The following DPY19L1 variants were observed in gnomAD, a reference collection of about 807,000 sequenced individuals.
DPY19L1 encodes protein C-mannosyl-transferase DPY19L1.
A neutral mutation model predicts 96.9 loss-of-function variants in DPY19L1; 35 were observed. The observed-to-expected ratio is 0.36, with a 90% CI of 0.28 to 0.48. The LOEUF is 0.48. DPY19L1 is among the 20% of genes least tolerant of loss of function. The pLI is 0.99. For synonymous variants in DPY19L1, 205 were observed against 252.6 expected (o/e 0.81, Z 1.79); for missense variants, 521 against 777.9 (o/e 0.67, Z 3.93).
intron 10 of DPY19L1, among the ~76,000 whole-genome samples, chr7:34,962,868 G>A (rs992488866): frequency 6.6e-6 from 1 of 152,034 alleles, no homozygotes; most frequent in African/African-American, 2.4e-5. Context: ...GGGGCAGGGG[G>A]TATATGGGAA....
intron 7 of DPY19L1, among the ~76,000 whole-genome samples, chr7:34,983,653 T>C (rs1405244643): frequency 1.5e-5 from 2 of 133,872 alleles, no homozygotes; most frequent in African/African-American, 5.6e-5. Flanking sequence ...CAAGAGAAAA[T>C]ACCCAAAGGG....
intron 16 of DPY19L1, among the ~76,000 whole-genome samples, chr7:34,943,093 T>G (rs918944444): frequency 6.6e-6 from 1 of 152,250 alleles, no homozygotes; most frequent in Non-Finnish European, 1.5e-5. Context: ...TCTTAAGCAC[T>G]GATATGTTCC....
At chr7:35,024,800 TA>T (rs1249726057) in intron 1 of DPY19L1, among the ~76,000 whole-genome samples, 2 of 152,258 alleles carry the variant, frequency 1.3e-5, no homozygotes, top group East Asian at 3.8e-4. Context: ...TTACAGCACC[TA>T]AATAGCTAGT....
rs745386780 is a variant in DPY19L1, at chr7:34,940,135, T to A, written c.1864+18A>T. The A allele has an allele frequency of 7.0e-7, 1 of 1,432,148 alleles. No homozygotes were observed. Among genetic ancestry groups the A allele is most frequent in the South Asian group, 1.4e-5 (1 of 69,428 alleles). 88.7% of individuals were successfully genotyped at this position (1,432,148 alleles called of 1,614,324 possible). On this transcript the variant is annotated intron_variant, in intron 19 of 21. Transcript: ENST00000638088. ...CAGCTAAATAATATGACTTTTTTTT[T>A]CTTTTTTTTTTTTTTACCTGGTTTA... is the stretch of plus-strand genomic sequence containing the variant.
rs1178548497 is a variant in DPY19L1 at position 35,013,720 on chromosome 7, T to C, written c.412-15A>G. ...TAATATAGTCCCTGAAATAAAGATA[T>C]GCTCAATTAAAATAACAAAAGGTAC... On this transcript the variant is annotated splice_polypyrimidine_tract_variant and intron_variant, in intron 3 of 21. Coordinates refer to ENST00000638088, the MANE Select transcript of DPY19L1 (RefSeq NM_001366673.1). 2.5e-6 allele frequency: 4 copies of C among 1,570,434 alleles called. No individual in the cohort carries two copies. Among genetic ancestry groups the C allele is most frequent in the Admixed American group, 3.7e-5 (2 of 53,804 alleles).
chr7:34,981,063 A>G (rs1277159214), intron 7 of DPY19L1, among the ~76,000 whole-genome samples: 1 of 152,182 alleles, frequency 6.6e-6, no homozygotes, highest in Non-Finnish European at 1.5e-5. Context: ...TGGGGGTTGG[A>G]AATAGTCTAT....
chr7:34,942,690 G>A (rs376278279), intron 16 of DPY19L1, 51 bp from the exon 17 acceptor site: 24 of 1,486,218 alleles, frequency 1.6e-5, no homozygotes, highest in East Asian at 2.3e-5. Context: ...AAGCACTTAC[G>A]TCATATATTT....
intron 11 of DPY19L1, among the ~76,000 whole-genome samples, chr7:34,956,562 A>C (rs967983832): frequency 2.7e-5 from 4 of 147,444 alleles, no homozygotes; most frequent in Non-Finnish European, 5.9e-5. Flanking sequence ...GCTGGAGTGT[A>C]GTGGCGCGAT....
chr7:35,017,023 C>T (rs1785866505), intron 3 of DPY19L1, among the ~76,000 whole-genome samples: 2 of 150,272 alleles, frequency 1.3e-5, no homozygotes, highest in East Asian at 3.9e-4. Context: ...TTTTAAAGTG[C>T]CAAACAGGGC....
At chr7:35,022,202 T>C (rs530196106) in intron 1 of DPY19L1, among the ~76,000 whole-genome samples, 7 of 152,308 alleles carry the variant, frequency 4.6e-5, no homozygotes, top group East Asian at 3.9e-4. Context: ...TAAACACATA[T>C]GCCATTTTTT....
rs1273162296 is a variant in DPY19L1, at chr7:34,955,667, C to T, written c.1180-300G>A. ...TATCTCTGAGCCATGAGGTATATAA[C>T]ATTTTCAGAATTTTGGACAGTAGTC... On this transcript the variant is annotated intron_variant, in intron 11 of 21. Transcript: ENST00000638088. 5.9e-5 allele frequency among the ~76,000 whole-genome samples: 9 copies of T among 152,154 alleles called. 1 individual carries two copies. Among genetic ancestry groups the T allele is most frequent in the South Asian group, 4.1e-4 (2 of 4,830 alleles).
At chr7:35,013,004 T>C (rs1439918454) in intron 4 of DPY19L1, among the ~76,000 whole-genome samples, 2 of 152,316 alleles carry the variant, frequency 1.3e-5, no homozygotes, top group African/African-American at 4.8e-5. Flanking sequence ...AATTTGTCTA[T>C]CCAATTAACA....
chr7:34,993,980 C>T (rs1465182348), intron 6 of DPY19L1, among the ~76,000 whole-genome samples: 1 of 151,918 alleles, frequency 6.6e-6, no homozygotes, highest in Non-Finnish European at 1.5e-5. Flanking sequence ...AGTCAAGATT[C>T]GTTTGAACCG....
intron 1 of DPY19L1, among the ~76,000 whole-genome samples, chr7:35,023,261 AGGGTCACTGGGAAGTACGAATGCTG>A (rs976615762): frequency 6.6e-6 from 1 of 152,108 alleles, no homozygotes; most frequent in African/African-American, 2.4e-5. Context: ...CGCCGTCCTG[AGGGTCACTGGGAAGTACGAATGCTG>A]GGATCTGTAA....
chr7:34,933,698 T>G (rs951106660), intron 21 of DPY19L1, among the ~76,000 whole-genome samples: 2 of 152,194 alleles, frequency 1.3e-5, no homozygotes, highest in Non-Finnish European at 2.9e-5. Flanking sequence ...TCCATCTTTC[T>G]CCTGTGCTGG....
At chr7:34,975,125 A>G (rs952044619) in intron 7 of DPY19L1, among the ~76,000 whole-genome samples, 2 of 152,194 alleles carry the variant, frequency 1.3e-5, no homozygotes, top group Non-Finnish European at 2.9e-5. Flanking sequence ...TAAGTGTTCA[A>G]TTAATACAAA....
intron 13 of DPY19L1, among the ~76,000 whole-genome samples, chr7:34,953,898 T>C (rs1383918954): frequency 2.0e-5 from 3 of 152,100 alleles, no homozygotes; most frequent in Non-Finnish European, 4.4e-5. Flanking sequence ...AAAGAGAGGC[T>C]AGGAGACAGG....
At chr7:34,959,920 T>TTTGTATATAA (rs1784462779) in intron 10 of DPY19L1, among the ~76,000 whole-genome samples, 1 of 33,866 alleles carries the variant, frequency 3.0e-5, no homozygotes, top group South Asian at 5.2e-4. Flanking sequence ...TATATATATA[T>TTTGTATATAA]ATATTTATAT....
chr7:35,023,735 A>G (rs1030785164), intron 1 of DPY19L1, among the ~76,000 whole-genome samples: 2 of 151,776 alleles, frequency 1.3e-5, no homozygotes, highest in Non-Finnish European at 2.9e-5. Flanking sequence ...AGCTCCTTCC[A>G]CTGTGACAGA....
Sources: allele counts gnomAD v4.1 joint callset (sites outside exome capture counted in the v4.1 genomes callset), GRCh38; gene constraint gnomAD v4.1.1; transcripts MANE v1.5; gene names NCBI Gene and HGNC (gene_info 2026-07-23, HGNC 2026-07-21).